The following PJA2 variants were observed in gnomAD, a reference collection of about 807,000 sequenced individuals.
PJA2 encodes the protein E3 ubiquitin-protein ligase Praja-2.
A neutral mutation model predicts 69.3 loss-of-function variants in PJA2; 25 were observed. The observed-to-expected ratio is 0.36, with a 90% CI of 0.26 to 0.50. The LOEUF (loss-of-function observed/expected upper bound fraction) is 0.50, where lower values mean the gene tolerates loss of function less well. PJA2 is among the 20% of genes least tolerant of loss of function. The pLI is 0.96. For missense variants in PJA2, 809 were observed against 830.2 expected (o/e 0.97, Z 0.31); for synonymous variants, 308 against 277.8 (o/e 1.11, Z -1.08).
intron 6 of PJA2, among the ~76,000 whole-genome samples, chr5:109,362,252 C>T (rs1034256998): frequency 2.3e-4 from 35 of 152,188 alleles, no homozygotes; most frequent in African/African-American, 8.2e-4. Context: ...TAAACCAAAA[C>T]AGTTAAATTC....
In PJA2 at chr5:109,377,865, C is replaced by T. The variant is rs139111235; in HGVS notation, c.1283+339G>A. Among the ~76,000 whole-genome samples, 328 of 152,074 alleles carry T rather than the reference C, an allele frequency of 2.2e-3. 5 individuals carry two copies. The highest frequency in any genetic ancestry group is 7.0e-3 in the African/African-American group (291 of 41,490). On this transcript the variant is annotated intron_variant, in intron 4 of 9. Coordinates refer to ENST00000361189, the MANE Select transcript of PJA2 (RefSeq NM_014819.5). ...TTGTGATATTAATCACTTTTTAAAC[C>T]CAGACTGGCTTAATGTAGGTTTTTA... is the stretch of plus-strand genomic sequence containing the variant.
intron 7 of PJA2, among the ~76,000 whole-genome samples, chr5:109,353,282 G>C: frequency 7.4e-6 from 1 of 136,006 alleles, no homozygotes; most frequent in Non-Finnish European, 1.5e-5. Context: ...TAATATCATA[G>C]ACATCTATAT....
At chr5:109,407,260 C>T (rs1747714511) in intron 1 of PJA2, among the ~76,000 whole-genome samples, 1 of 152,016 alleles carries the variant, frequency 6.6e-6, no homozygotes, top group Non-Finnish European at 1.5e-5. Context: ...AAAATATAAA[C>T]CAGGGAATAC....
At chr5:109,390,168 C>T (rs1747249158) in intron 1 of PJA2, among the ~76,000 whole-genome samples, 1 of 151,904 alleles carries the variant, frequency 6.6e-6, no homozygotes, top group Non-Finnish European at 1.5e-5. Context: ...TCTTATTGTT[C>T]TACCAGTTAC....
In PJA2 at chr5:109,354,383, G is replaced by A. The variant is rs567639838; in HGVS notation, c.1764+1532C>T. On this transcript the variant is annotated intron_variant, in intron 7 of 9. Coordinates refer to ENST00000361189, the MANE Select transcript of PJA2 (RefSeq NM_014819.5). Reference sequence around the variant, plus strand: ...TATATCTAGAGATATCTATAGATTAGATATCTCTGATATCTAGAGATATCT... The same window carrying A: ...TATATCTAGAGATATCTATAGATTAAATATCTCTGATATCTAGAGATATCT... Among the ~76,000 whole-genome samples the A allele has an allele frequency of 1.8e-4, 24 of 136,444 alleles. 2 individuals are homozygous for A. The highest frequency in any genetic ancestry group is 1.1e-3 in the Admixed American group (16 of 14,070). The allele number at this position is 136,444 out of a possible 152,430, so 89.5% of individuals were successfully genotyped here.
chr5:109,364,362 G>A (rs1476289380), intron 5 of PJA2, among the ~76,000 whole-genome samples: 2 of 151,902 alleles, frequency 1.3e-5, no homozygotes, highest in African/African-American at 2.4e-5. Flanking sequence ...GGTGGCTCAC[G>A]CCTGTAATCC....
chr5:109,396,820 C>T (rs562672279), intron 1 of PJA2, among the ~76,000 whole-genome samples: 36 of 148,532 alleles, frequency 2.4e-4, no homozygotes, highest in Admixed American at 1.7e-3. Context: ...GGAAAATAAC[C>T]GATACCAATG....
chr5:109,392,902 C>A (rs913508522), intron 1 of PJA2, among the ~76,000 whole-genome samples: 4 of 151,664 alleles, frequency 2.6e-5, no homozygotes, highest in African/African-American at 9.7e-5. Flanking sequence ...AACAGTAAAT[C>A]CAAAGAAAGG....
At chr5:109,395,375 A>G (rs1254081885) in intron 1 of PJA2, among the ~76,000 whole-genome samples, 2 of 152,126 alleles carry the variant, frequency 1.3e-5, no homozygotes, top group Non-Finnish European at 2.9e-5. Flanking sequence ...TAAAAAATAT[A>G]AAAATTAGAC....
chr5:109,354,993 G>A (rs7708047), intron 7 of PJA2, among the ~76,000 whole-genome samples: 4,739 of 151,956 alleles, frequency 0.031, 250 homozygotes, highest in African/African-American at 0.11. Context: ...CTGATGGCCC[G>A]TATGTGTAGT....
rs1427241790 is a variant in PJA2 at position 109,381,605 on chromosome 5, T to A, written c.130A>T (p.Ser44Cys). 1 of 1,614,146 alleles carries A rather than the reference T, an allele frequency of 6.2e-7. No individual in the cohort carries two copies. The highest frequency in any genetic ancestry group is 1.7e-5 in the Admixed American group (1 of 60,026). The part of the protein sequence containing the change: ...RRYGRRHAYV[S>C]FKPCMTRHER... Reference sequence around the variant, plus strand: ...TGTCTGGTCATACATGGTTTAAAACTGACATAAGCATGTCTTCTTCCATAT... The same window carrying A: ...TGTCTGGTCATACATGGTTTAAAACAGACATAAGCATGTCTTCTTCCATAT... The change falls in exon 3 of 10, where the codon AGT becomes TGT. Residue 44 changes from serine to cysteine, a missense_variant. This residue lies in a region of PJA2 where 700 missense variants were observed against 639.5 expected (regional missense o/e 1.09). Transcript: ENST00000361189.
Position 109,362,722 on chromosome 5 carries a change from G to C in PJA2, c.1652+118C>G, listed in dbSNP as rs940214843. Reference sequence around the variant, plus strand: ...ATTTGAAATGAGCTTTGAAGAAGAGGAGGACTAACAGATGGGAAAATTATA... The same window carrying C: ...ATTTGAAATGAGCTTTGAAGAAGAGCAGGACTAACAGATGGGAAAATTATA... On this transcript the variant is annotated intron_variant, in intron 6 of 9. Coordinates refer to ENST00000361189, the MANE Select transcript of PJA2 (RefSeq NM_014819.5). The C allele has an allele frequency of 1.1e-5, 11 of 986,608 alleles. No individual in the cohort carries two copies. The African/African-American group carries it at 1.8e-4, about 16-fold the overall frequency. The allele number at this position is 986,608 out of a possible 1,614,324, so 61.1% of individuals were successfully genotyped here.
intron 8 of PJA2, 22 bp downstream of exon 8, chr5:109,344,683 T>A (rs760246827): frequency 6.8e-7 from 1 of 1,474,578 alleles, no homozygotes; most frequent in Admixed American, 1.7e-5. Flanking sequence ...TCTTCAACAT[T>A]TGAGATCAAC....
intron 7 of PJA2, among the ~76,000 whole-genome samples, chr5:109,354,302 A>T (rs1392634954): frequency 6.8e-6 from 1 of 146,946 alleles, no homozygotes. Flanking sequence ...TGATATCTAG[A>T]GATATCTATA....
chr5:109,405,959 T>A (rs1167182543), intron 1 of PJA2, among the ~76,000 whole-genome samples: 1 of 151,616 alleles, frequency 6.6e-6, no homozygotes, highest in African/African-American at 2.4e-5. Context: ...AGTGTGTGTG[T>A]GTGTTTATGT....
At chr5:109,394,639 T>G (rs949285801) in intron 1 of PJA2, among the ~76,000 whole-genome samples, 1 of 152,186 alleles carries the variant, frequency 6.6e-6, no homozygotes, top group Non-Finnish European at 1.5e-5. Flanking sequence ...CACTGAAAAC[T>G]AGGCTGTCTA....
intron 5 of PJA2, among the ~76,000 whole-genome samples, chr5:109,366,918 G>T (rs1300457881): frequency 1.3e-5 from 2 of 152,040 alleles, no homozygotes; most frequent in African/African-American, 4.8e-5. Flanking sequence ...GATCACCAGA[G>T]GTCAGGAGTT....
Position 109,378,459 on chromosome 5 carries a change from A to G in PJA2, c.1028T>C (p.Val343Ala). 1 of 1,614,152 alleles carries G rather than the reference A, an allele frequency of 6.2e-7. No individual in the cohort carries two copies. The highest frequency in any genetic ancestry group is 8.5e-7 in the Non-Finnish European group (1 of 1,180,022). Residue 343 changes from valine (V) to alanine (A), a missense_variant, in exon 4 of 10, where the codon GTT becomes GCT. By Grantham distance (64) the Val-to-Ala change is moderately conservative. Coordinates refer to ENST00000361189, the MANE Select transcript of PJA2 (RefSeq NM_014819.5). ...TTCCAAAGCCTCTCTCCATCTTTGA[A>G]CACTTCTTTGTTTCGCCTCATGCCT... ...FNRHEAKQRSVQRWREALEVE... is the reference protein window; with the variant it reads ...FNRHEAKQRSAQRWREALEVE...
At chr5:109,363,147 T>C (rs1762528954) in intron 5 of PJA2, 125 bp from the exon 6 acceptor site, 1 of 756,922 alleles carries the variant, frequency 1.3e-6, no homozygotes, top group Non-Finnish European at 1.9e-6. Flanking sequence ...TTTATAATTC[T>C]AAAAAACTGT....
Sources: allele counts gnomAD v4.1 joint callset (sites outside exome capture counted in the v4.1 genomes callset), GRCh38; gene constraint gnomAD v4.1.1; regional missense constraint gnomAD v4.1.1; transcripts MANE v1.5; gene names NCBI Gene and HGNC (gene_info 2026-07-23, HGNC 2026-07-21).